Variants in PLEC observed in about 807,000 individuals in gnomAD.
The protein encoded by PLEC is plectin, also known as hemidesmosomal protein 1.
Under a neutral mutation model 392.8 loss-of-function variants are expected in PLEC, and 216 were observed. The observed-to-expected ratio is 0.55, with a 90% CI of 0.49 to 0.62. PLEC has a LOEUF of 0.62. Among genes scored for constraint, PLEC ranks in the 20% least tolerant of loss-of-function variants. The pLI is 0.00. For synonymous variants in PLEC, 3,621 were observed against 2,980.6 expected (o/e 1.21, Z -7.00); for missense variants, 6,863 against 6,563.4 (o/e 1.05, Z -1.58).
At position 143,938,637 on chromosome 8, in the gene PLEC, G is replaced by A. The variant is rs997482012; in HGVS notation, c.168C>T (p.Leu56=). The A allele has an allele frequency of 6.2e-7, 1 of 1,613,762 alleles. No individual in the cohort carries two copies. The highest frequency in any genetic ancestry group is 8.5e-7 in the Non-Finnish European group (1 of 1,179,852). ...ACCAGCATGCGCCACCAACCTTGAT[G>A]AGGTGCTTGTTGACCCACTTGGTGA... ...KTFTKWVNKH[L]IKAQRHISDL... Residue 56 remains leucine, a synonymous_variant, in exon 2 of 32, where the codon CTC becomes CTT. Coordinates refer to ENST00000345136, the MANE Select transcript of PLEC (RefSeq NM_201384.3).
intron 6 of PLEC, 57 bp downstream of exon 6, chr8:143,935,791 T>C: frequency 6.3e-7 from 1 of 1,584,934 alleles, no homozygotes; most frequent in East Asian, 2.2e-5. Flanking sequence ...AGTTGCCTAG[T>C]GGAGGCGCTG....
chr8:143,946,420 A>AGAGCC, intron 1 of PLEC: 17 of 1,285,748 alleles, frequency 1.3e-5, no homozygotes, highest in Non-Finnish European at 1.7e-5. Flanking sequence ...GGCTGCTCCG[A>AGAGCC]GAGCCGGCAG....
At chr8:143,941,405 G>A (rs999779543), upstream of PLEC, among the ~76,000 whole-genome samples, 2 of 152,064 alleles carry the variant, frequency 1.3e-5, no homozygotes, top group African/African-American at 2.4e-5. Flanking sequence ...CAAAGATGCC[G>A]CCCTGGGCCG....
In PLEC at chr8:143,925,859, TC is replaced by T; in HGVS notation, c.4069del (p.Glu1357ArgfsTer165). 1 of 1,548,588 alleles carries T rather than the reference TC, an allele frequency of 6.5e-7. No individual in the cohort carries two copies. The highest frequency in any genetic ancestry group is 8.7e-7 in the Non-Finnish European group (1 of 1,153,710). ...CACCTCGGCCAGCCGCTCGCGCTCCTCTGCCCGCTGCTGCTCAGCCAGCCTC... is the reference window on the plus strand; with the variant it reads ...CACCTCGGCCAGCCGCTCGCGCTCCTTGCCCGCTGCTGCTCAGCCAGCCTC... ...EERLAEQQRA[E>X]ERERLAEVEA... On this transcript the variant is annotated frameshift_variant, in exon 31 of 32. Coordinates refer to ENST00000345136, the MANE Select transcript of PLEC (RefSeq NM_201384.3). LOFTEE classifies it high-confidence loss of function.
chr8:143,932,425 A>G lies in PLEC; in HGVS notation c.1952T>C (p.Met651Thr), dbSNP rs1260484783. 5.0e-6 allele frequency: 8 copies of G among 1,612,824 alleles called. No homozygotes were observed. In the Admixed American group the frequency reaches 6.7e-5, roughly 13 times the overall value. The change falls in exon 16 of 32, where the codon ATG becomes ACG. Residue 651 changes from methionine (M) to threonine (T), a missense_variant. Met to Thr is a moderately conservative substitution (Grantham distance 81). Transcript: ENST00000345136. ...CGAGTAGCTCTCCTTCTTGGCGGTC[A>G]TGTTGGTGTTGCGGTCGCTCCAGTC... ...GFDWSDRNTNMTAKKESYSAL... is the reference protein window; with the variant it reads ...GFDWSDRNTNTTAKKESYSAL...
Position 143,919,706 on chromosome 8 carries a change from T to C in PLEC, c.10115A>G (p.Tyr3372Cys), listed in dbSNP as rs782250641. The change falls in exon 32 of 32, where the codon TAC (tyrosine) becomes TGC (cysteine). Residue 3372 changes from tyrosine (Y) to cysteine (C), a missense_variant. Transcript: ENST00000345136. ...CAGCAGGCCCCGGCGCATGGCCTCG[T>C]AGATGGACACCTTCTCCTTGGTGTC... The part of the protein sequence containing the change: ...LEDTKEKVSI[Y>C]EAMRRGLLRA... 4.4e-6 allele frequency: 7 copies of C among 1,604,904 alleles called. No individual in the cohort carries two copies. The highest frequency in any genetic ancestry group is 1.1e-5 in the South Asian group (1 of 90,950).
chr8:143,952,106 C>G (rs115772547), upstream of PLEC, among the ~76,000 whole-genome samples: 3 of 152,102 alleles, frequency 2.0e-5, no homozygotes, highest in African/African-American at 7.2e-5. Context: ...GGCCAGCAGC[C>G]GGCAGGCGGC....
rs374942905 is a variant in PLEC at position 143,934,798 on chromosome 8, C to T, written c.945+12G>A. 45 of 1,611,534 alleles carry T rather than the reference C, an allele frequency of 2.8e-5. No individual in the cohort carries two copies. Among genetic ancestry groups the T allele is most frequent in the African/African-American group, 1.5e-4 (11 of 74,928 alleles). ...GGCAGGCCCAGGACCCCGCCCCCCA[C>T]GGCAGGCCCACCTCAATCTCCTCGA... On this transcript the variant is annotated intron_variant, in intron 9 of 31. Coordinates refer to ENST00000345136, the MANE Select transcript of PLEC (RefSeq NM_201384.3).
chr8:143,945,414 C>G (rs1217668758), intron 1 of PLEC: 4 of 321,434 alleles, frequency 1.2e-5, no homozygotes. Context: ...GGCAGGCCCA[C>G]AGCATATCCT....
At chr8:143,959,408 T>C (rs536623869) in intron 1 of PLEC, among the ~76,000 whole-genome samples, 5 of 152,358 alleles carry the variant, frequency 3.3e-5, no homozygotes, top group Middle Eastern at 3.4e-3. Flanking sequence ...CGGTCAGAGC[T>C]GATGCAGGGA....
chr8:143,932,954 G>A lies in PLEC; in HGVS notation c.1576C>T (p.Gln526Ter), dbSNP rs1827831996. 2 of 1,612,558 alleles carry A rather than the reference G, an allele frequency of 1.2e-6. No individual in the cohort carries two copies. Among genetic ancestry groups the A allele is most frequent in the Non-Finnish European group, 8.5e-7 (1 of 1,179,886 alleles). Residue 526 changes from glutamine (Q) to a stop codon, truncating the protein, a stop_gained, in exon 14 of 32, where the codon CAG (glutamine) becomes TAG (stop). Coordinates refer to ENST00000345136, the MANE Select transcript of PLEC (RefSeq NM_201384.3). LOFTEE classifies it high-confidence loss of function. Reference sequence around the variant, plus strand: ...TCCTCCACCCAGGCCAGCAGGTCCTGCAGGTAGCGCAGAGTGGAGTCCTCC... The same window carrying A: ...TCCTCCACCCAGGCCAGCAGGTCCTACAGGTAGCGCAGAGTGGAGTCCTCC... ...ELEDSTLRYLQDLLAWVEENQ... is the reference protein window; with the variant it reads ...ELEDSTLRYL
At chr8:143,956,301 G>T (rs1554739266), upstream of PLEC, among the ~76,000 whole-genome samples, 1 of 152,178 alleles carries the variant, frequency 6.6e-6, no homozygotes, top group Non-Finnish European at 1.5e-5. Context: ...TATAAGATTG[G>T]CCAGGCGTGG....
upstream of PLEC, chr8:143,958,757 T>C: frequency 2.6e-6 from 1 of 379,504 alleles, no homozygotes; most frequent in Non-Finnish European, 5.6e-6. This position sits in a 1 kb window ranked among gnomAD's most constrained non-coding sequence, Gnocchi z 4.9. Flanking sequence ...ACCTGATCCA[T>C]GGTGGCTCCC....
intron 1 of PLEC, among the ~76,000 whole-genome samples, chr8:143,947,035 C>CT (rs1554732711): frequency 6.6e-6 from 1 of 152,182 alleles, no homozygotes; most frequent in Admixed American, 6.5e-5. Context: ...GTAACTACCC[C>CT]TTAGAAGCCT....
chr8:143,925,375 G>A lies in PLEC; in HGVS notation c.4554C>T (p.Ala1518=), dbSNP rs782709764. 5 of 1,569,044 alleles carry A rather than the reference G, an allele frequency of 3.2e-6. No homozygotes were observed. The highest frequency in any genetic ancestry group is 2.7e-5 in the African/African-American group (2 of 73,920). The change falls in exon 31 of 32, where the codon GCC becomes GCT. Residue 1518 remains alanine, a synonymous_variant. Transcript: ENST00000345136. ...CCTCGGCCTCGGCCTTCACGCGCGA[G>A]GCCAGCTCCACCTCCGCCTGCCGCT... ...QRKRQAEVEL[A]SRVKAEAEAA... is the part of the protein sequence containing the mutation.
chr8:143,939,180 G>T (rs985272953), intron 1 of PLEC, among the ~76,000 whole-genome samples, 170 bp downstream of exon 1: 1 of 152,162 alleles, frequency 6.6e-6, no homozygotes, highest in Non-Finnish European at 1.5e-5. Context: ...CGTCAGCCTC[G>T]CGGGCGCCTG....
chr8:143,976,236 C>G (rs1020316105), upstream of PLEC, among the ~76,000 whole-genome samples: 2 of 152,218 alleles, frequency 1.3e-5, no homozygotes, highest in African/African-American at 2.4e-5. Context: ...CACGCATACC[C>G]ACGCGCGCAC....
In PLEC at chr8:143,939,330, C is replaced by T. The variant is rs1554726543; in HGVS notation, c.112+20G>A. ...GGGCCCGCCCTGCCTGGCGGGGGTG[C>T]CCGAGGGGAGCCCTGCTACCTTTCT... On this transcript the variant is annotated intron_variant, in intron 1 of 31. Coordinates refer to ENST00000345136, the MANE Select transcript of PLEC (RefSeq NM_201384.3). 2 of 1,603,658 alleles carry T rather than the reference C, an allele frequency of 1.2e-6. No individual in the cohort carries two copies. Among genetic ancestry groups the T allele is most frequent in the South Asian group, 2.2e-5 (2 of 89,472 alleles).
Position 143,916,838 on chromosome 8 carries a change from T to G in PLEC, c.12983A>C (p.Glu4328Ala). Residue 4328 changes from glutamate (E) to alanine (A), a missense_variant, in exon 32 of 32, where the codon GAG (glutamate) becomes GCG (alanine). By Grantham distance (107) the Glu-to-Ala change is moderately radical (BLOSUM62 -1). Coordinates refer to ENST00000345136, the MANE Select transcript of PLEC (RefSeq NM_201384.3). ...TGGIIDPSTG[E>A]RFPVTDAVNK... ...GACGGCGTCGGTGACAGGGAAGCGC[T>G]CACCGGTGCTGGGGTCGATGATGCC... The G allele has an allele frequency of 6.2e-7, 1 of 1,612,394 alleles. No individual in the cohort carries two copies. Among genetic ancestry groups the G allele is most frequent in the African/African-American group, 1.3e-5 (1 of 74,850 alleles).
Sources: allele counts gnomAD v4.1 joint callset (sites outside exome capture counted in the v4.1 genomes callset), GRCh38; gene constraint gnomAD v4.1.1; non-coding constraint Gnocchi (gnomAD v3.1); transcripts MANE v1.5; gene names NCBI Gene and HGNC (gene_info 2026-07-23, HGNC 2026-07-21).